Variants in ARPP21 observed in about 807,000 individuals in gnomAD.
The protein encoded by ARPP21 is cAMP regulated phosphoprotein 21.
In ARPP21, 69 loss-of-function variants were observed where a neutral mutation model predicts 113.2. That is an observed-to-expected ratio of 0.61 (90% CI 0.50 to 0.74). ARPP21 has a LOEUF of 0.74. ARPP21 is among the 30% of genes least tolerant of loss of function. ARPP21 has a pLI of 0.00. For synonymous variants in ARPP21, 368 were observed against 375.5 expected (o/e 0.98, Z 0.23); for missense variants, 1,070 against 1,037.4 (o/e 1.03, Z -0.43).
intron 9 of ARPP21, among the ~76,000 whole-genome samples, chr3:35,699,814 A>G (rs2085570805): frequency 6.6e-6 from 1 of 151,832 alleles, no homozygotes; most frequent in Non-Finnish European, 1.5e-5. Context: ...ACATTACAAT[A>G]TATAAGCAGA....
At chr3:35,786,223 T>G (rs1268938633) in intron 19 of ARPP21, among the ~76,000 whole-genome samples, 1 of 152,162 alleles carries the variant, frequency 6.6e-6, no homozygotes, top group East Asian at 1.9e-4. Flanking sequence ...ACTGCTTTCT[T>G]GTTTTAAAGG....
At chr3:35,709,747 A>C (rs1234186432) in intron 11 of ARPP21, among the ~76,000 whole-genome samples, 1 of 152,212 alleles carries the variant, frequency 6.6e-6, no homozygotes, top group Non-Finnish European at 1.5e-5. Flanking sequence ...GGAAAAGGGC[A>C]AGCAACTGCC....
chr3:35,685,382 G>C, intron 5 of ARPP21: 1 of 985,328 alleles, frequency 1.0e-6, no homozygotes, highest in Non-Finnish European at 1.2e-6. Context: ...CTGAGGAGTG[G>C]TGGGAGCAGG....
intron 19 of ARPP21, among the ~76,000 whole-genome samples, chr3:35,777,066 C>T (rs2096392402): frequency 6.6e-6 from 1 of 152,102 alleles, no homozygotes; most frequent in East Asian, 1.9e-4. Flanking sequence ...TACCTCGGCT[C>T]TTGTGGAAAT....
intron 9 of ARPP21, 134 bp downstream of exon 9, chr3:35,691,139 G>A (rs2082119462): frequency 1.1e-6 from 1 of 943,974 alleles, no homozygotes; most frequent in Non-Finnish European, 1.5e-6. Flanking sequence ...CTTATCAGAA[G>A]TAGTGTGGCA....
At chr3:35,740,641 T>A (rs1048210793) in intron 18 of ARPP21, among the ~76,000 whole-genome samples, 4 of 152,204 alleles carry the variant, frequency 2.6e-5, no homozygotes, top group Non-Finnish European at 5.9e-5. Flanking sequence ...ATTAAAGTAT[T>A]AATACTTTTA....
At chr3:35,767,285 A>G (rs1208860403) in intron 19 of ARPP21, among the ~76,000 whole-genome samples, 1 of 152,158 alleles carries the variant, frequency 6.6e-6, no homozygotes, top group Non-Finnish European at 1.5e-5. Context: ...CCTGACTTAA[A>G]TCCTTTAGAC....
intron 1 of ARPP21, among the ~76,000 whole-genome samples, chr3:35,667,963 GAAGAA>G (rs2075102234): frequency 3.6e-5 from 3 of 84,298 alleles, no homozygotes; most frequent in African/African-American, 1.4e-4. Flanking sequence ...AGAAGAAGAA[GAAGAA>G]GAAGAAGAAG....
intron 15 of ARPP21, among the ~76,000 whole-genome samples, chr3:35,730,640 C>A (rs1408683214): frequency 6.6e-6 from 1 of 152,190 alleles, no homozygotes; most frequent in Non-Finnish European, 1.5e-5. Context: ...TCGATCCTTC[C>A]AGACTATTTC....
chr3:35,770,671 T>C (rs2096168434), intron 19 of ARPP21, among the ~76,000 whole-genome samples: 1 of 152,210 alleles, frequency 6.6e-6, no homozygotes, highest in African/African-American at 2.4e-5. Flanking sequence ...TGCTGAGCAC[T>C]ATTTTTGAGC....
intron 19 of ARPP21, among the ~76,000 whole-genome samples, chr3:35,776,371 G>A (rs2096367752): frequency 6.6e-6 from 1 of 152,168 alleles, no homozygotes; most frequent in South Asian, 2.1e-4. Context: ...GAGAAGCCCT[G>A]TAATAGTCTA....
intron 14 of ARPP21, among the ~76,000 whole-genome samples, chr3:35,724,096 T>C (rs2093344219): frequency 6.6e-6 from 1 of 152,198 alleles, no homozygotes; most frequent in South Asian, 2.1e-4. Context: ...TCTAATTACA[T>C]AGATTCTAGC....
chr3:35,783,885 A>ATTC (rs1426849223), intron 19 of ARPP21, among the ~76,000 whole-genome samples: 10 of 151,962 alleles, frequency 6.6e-5, no homozygotes, highest in Non-Finnish European at 1.3e-4. Context: ...GCTGATCCTT[A>ATTC]TGTTTATGCC....
intron 1 of ARPP21, among the ~76,000 whole-genome samples, chr3:35,656,877 G>T (rs1315632764): frequency 6.6e-6 from 1 of 151,980 alleles, no homozygotes; most frequent in Admixed American, 6.6e-5. Context: ...AACTGAATTT[G>T]CAGTTGTATG....
intron 18 of ARPP21, 78 bp downstream of exon 18, chr3:35,739,655 T>C (rs2094542403): frequency 2.0e-6 from 3 of 1,493,522 alleles, no homozygotes; most frequent in South Asian, 2.7e-5. Context: ...ATGTAGAAAA[T>C]AACCAGATTC....
chr3:35,720,593 T>G (rs1204691166), intron 13 of ARPP21, among the ~76,000 whole-genome samples: 1 of 152,236 alleles, frequency 6.6e-6, no homozygotes, highest in Non-Finnish European at 1.5e-5. Context: ...CTTTACTTAT[T>G]TATAATCCAT....
chr3:35,660,593 G>A (rs1047685027), intron 1 of ARPP21, among the ~76,000 whole-genome samples: 1 of 152,170 alleles, frequency 6.6e-6, no homozygotes, highest in Non-Finnish European at 1.5e-5. Context: ...AAAGACAGAG[G>A]AAAGTTGCTT....
intron 19 of ARPP21, among the ~76,000 whole-genome samples, chr3:35,770,896 T>C (rs778288927): frequency 7.9e-5 from 12 of 152,130 alleles, no homozygotes; most frequent in Non-Finnish European, 1.3e-4. Context: ...ATAGAATGAA[T>C]TACTAGTCAA....
In ARPP21 at chr3:35,792,459, G is replaced by A. The variant is rs894763514; in HGVS notation, c.2215G>A (p.Val739Met). The change falls in exon 20 of 21, where the codon GTG becomes ATG. Residue 739 changes from valine (V) to methionine (M), a missense_variant. By Grantham distance (21) the Val-to-Met change is conservative. Coordinates refer to ENST00000684406, the MANE Select transcript of ARPP21 (RefSeq NM_001385562.1). ...GCAGCAGCCACCTCAGAGTCAGAAC[G>A]TGATAAATAACCAACAAGGAACTCC... ...GVQQPPQSQNVINNQQGTPVQ... is the reference protein window; with the variant it reads ...GVQQPPQSQNMINNQQGTPVQ... 7 of 1,613,962 alleles carry A rather than the reference G, an allele frequency of 4.3e-6. No individual in the cohort carries two copies. The highest frequency in any genetic ancestry group is 2.2e-5 in the South Asian group (2 of 91,082).
Sources: allele counts gnomAD v4.1 joint callset (sites outside exome capture counted in the v4.1 genomes callset), GRCh38; gene constraint gnomAD v4.1.1; transcripts MANE v1.5; gene names NCBI Gene and HGNC (gene_info 2026-07-23, HGNC 2026-07-21).